Variants in RUNDC3B observed in about 807,000 individuals in gnomAD.
The protein encoded by RUNDC3B is RUN domain-containing protein 3B.
RUNDC3B carries 33 observed loss-of-function variants against 58.4 expected under a neutral mutation model. That is an observed-to-expected ratio of 0.56 (90% CI 0.43 to 0.75). RUNDC3B has a LOEUF of 0.75. Among genes scored for constraint, RUNDC3B ranks in the 30% least tolerant of loss-of-function variants. The pLI, the probability that RUNDC3B is intolerant of heterozygous loss-of-function variation, is 0.00. For missense variants in RUNDC3B, 501 were observed against 535.7 expected (o/e 0.94, Z 0.64); for synonymous variants, 193 against 195.2 (o/e 0.99, Z 0.10).
At chr7:87,640,178 T>TTA (rs948887238) in intron 1 of RUNDC3B, among the ~76,000 whole-genome samples, 16 of 148,676 alleles carry the variant, frequency 1.1e-4, no homozygotes, top group African/African-American at 1.7e-4. Context: ...TAAAACATAC[T>TTA]TATATATATA....
At position 87,730,569 on chromosome 7, in the gene RUNDC3B, A is replaced by G. The variant is rs150701757; in HGVS notation, c.459-9222A>G. On this transcript the variant is annotated intron_variant, in intron 4 of 10. Transcript: ENST00000394654. ...AGAATAGAGCACCAGGTAGATTCCC[A>G]TGCTTCCTTTCACGAGGTTCTGTCT... is the stretch of plus-strand genomic sequence containing the variant. Among the ~76,000 whole-genome samples, 3 of 152,086 alleles carry G rather than the reference A, an allele frequency of 2.0e-5. No individual in the cohort carries two copies. In the East Asian group the frequency reaches 5.8e-4, roughly 29 times the overall value.
intron 3 of RUNDC3B, among the ~76,000 whole-genome samples, chr7:87,706,422 CAG>C (rs1563149627): frequency 6.6e-6 from 1 of 152,070 alleles, no homozygotes; most frequent in Non-Finnish European, 1.5e-5. Flanking sequence ...GAATCTAAAA[CAG>C]AGTCGATCCC....
chr7:87,629,041 T>G, intron 1 of RUNDC3B, 96 bp downstream of exon 1: 4 of 1,111,496 alleles, frequency 3.6e-6, no homozygotes, highest in Non-Finnish European at 3.5e-6. Context: ...CATGATGGGC[T>G]GCCGCCCAGT....
chr7:87,661,516 C>G (rs569558679), intron 2 of RUNDC3B, among the ~76,000 whole-genome samples: 1 of 151,680 alleles, frequency 6.6e-6, no homozygotes, highest in Non-Finnish European at 1.5e-5. Flanking sequence ...TGAAAATGAG[C>G]GAAGTTTGTC....
chr7:87,637,035 G>A (rs931815213), intron 1 of RUNDC3B, among the ~76,000 whole-genome samples: 5 of 152,110 alleles, frequency 3.3e-5, no homozygotes, highest in South Asian at 4.1e-4. Flanking sequence ...ATCAGCTCTC[G>A]TGAGCTCTTA....
intron 1 of RUNDC3B, among the ~76,000 whole-genome samples, chr7:87,643,478 A>G (rs2130311780): frequency 6.6e-6 from 1 of 152,314 alleles, no homozygotes; most frequent in Admixed American, 6.5e-5. Flanking sequence ...AAATTATATT[A>G]GAAAAGAAAG....
chr7:87,699,048 G>T (rs1203851448), intron 2 of RUNDC3B, among the ~76,000 whole-genome samples: 1 of 152,100 alleles, frequency 6.6e-6, no homozygotes, highest in African/African-American at 2.4e-5. Context: ...CTAGACATGA[G>T]TATTTTTTAA....
chr7:87,696,400 A>G (rs1170900508), intron 2 of RUNDC3B, among the ~76,000 whole-genome samples: 1 of 152,176 alleles, frequency 6.6e-6, no homozygotes, highest in Non-Finnish European at 1.5e-5. Flanking sequence ...GACTTTTACT[A>G]GCAGTTAATC....
At chr7:87,727,235 A>G (rs953990625) in intron 4 of RUNDC3B, among the ~76,000 whole-genome samples, 2 of 152,112 alleles carry the variant, frequency 1.3e-5, no homozygotes, top group African/African-American at 4.8e-5. Context: ...TGTCATAAAT[A>G]TCTCTTATTA....
At chr7:87,676,063 C>A (rs1826321638) in intron 2 of RUNDC3B, among the ~76,000 whole-genome samples, 1 of 151,924 alleles carries the variant, frequency 6.6e-6, no homozygotes, top group Non-Finnish European at 1.5e-5. Flanking sequence ...CCCATCTCTA[C>A]AAAAAGTTAA....
At chr7:87,752,591 G>C (rs1433900811) in intron 6 of RUNDC3B, among the ~76,000 whole-genome samples, 1 of 152,004 alleles carries the variant, frequency 6.6e-6, no homozygotes, top group Non-Finnish European at 1.5e-5. Context: ...ACTTCTTCCT[G>C]GTTTAGTCTT....
intron 2 of RUNDC3B, among the ~76,000 whole-genome samples, chr7:87,656,065 C>T (rs1450788672): frequency 6.6e-6 from 1 of 151,956 alleles, no homozygotes; most frequent in Non-Finnish European, 1.5e-5. Flanking sequence ...GCCTCTAGAA[C>T]TATGAGAAAT....
In RUNDC3B at chr7:87,664,504, A is replaced by G. The variant is rs1404624329; in HGVS notation, c.238+13567A>G. On this transcript the variant is annotated intron_variant, in intron 2 of 10. Coordinates refer to ENST00000394654, the MANE Select transcript of RUNDC3B (RefSeq NM_001134405.2). Reference sequence around the variant, plus strand: ...AAAGCAGCCATTATAACCCTGCTCCATGATGTAAGGTGTAACTCTTGAAAT... The same window carrying G: ...AAAGCAGCCATTATAACCCTGCTCCGTGATGTAAGGTGTAACTCTTGAAAT... 3.9e-5 allele frequency among the ~76,000 whole-genome samples: 6 copies of G among 152,294 alleles called. No homozygotes were observed. In the East Asian group the frequency reaches 9.6e-4, roughly 24 times the overall value.
intron 2 of RUNDC3B, among the ~76,000 whole-genome samples, chr7:87,683,065 T>A (rs1005154681): frequency 2.0e-5 from 3 of 152,164 alleles, no homozygotes; most frequent in Non-Finnish European, 4.4e-5. Context: ...TTATTATTAT[T>A]TTTTTATGTA....
At chr7:87,816,013 A>T (rs976139403) in intron 9 of RUNDC3B, 128 bp from the exon 10 acceptor site, 1 of 663,680 alleles carries the variant, frequency 1.5e-6, no homozygotes, top group East Asian at 2.8e-5. Flanking sequence ...TATGAAGCAA[A>T]ATTTAGGAGA....
chr7:87,811,500 A>AT (rs1208797945), intron 9 of RUNDC3B, among the ~76,000 whole-genome samples: 2 of 151,582 alleles, frequency 1.3e-5, no homozygotes, highest in Non-Finnish European at 2.9e-5. Flanking sequence ...TACCCAGCTA[A>AT]TTTTTTTTGT....
chr7:87,632,606 C>A (rs1326803100), intron 1 of RUNDC3B, among the ~76,000 whole-genome samples: 1 of 152,112 alleles, frequency 6.6e-6, no homozygotes, highest in African/African-American at 2.4e-5. Flanking sequence ...CCTGTATATT[C>A]TCTATCGTTT....
Position 87,713,760 on chromosome 7 carries a change from A to C in RUNDC3B, c.458+3105A>C, listed in dbSNP as rs183568139. On this transcript the variant is annotated intron_variant, in intron 4 of 10. Coordinates refer to ENST00000394654, the MANE Select transcript of RUNDC3B (RefSeq NM_001134405.2). ...TTGTTCAAATTTTTAATTTCTCTTT[A>C]TCCACTGGCTAAAAAATAATTAGTA... 3.6e-3 allele frequency among the ~76,000 whole-genome samples: 544 copies of C among 152,164 alleles called. 3 individuals carry two copies. The highest frequency in any genetic ancestry group is 0.013 in the African/African-American group (520 of 41,558).
intron 4 of RUNDC3B, among the ~76,000 whole-genome samples, chr7:87,720,932 T>TAAAATATTAC (rs1830848460): frequency 6.7e-6 from 1 of 149,024 alleles, no homozygotes; most frequent in Non-Finnish European, 1.5e-5. Context: ...ATATTTTAAA[T>TAAAATATTAC]AGTTAAAATT....
Sources: allele counts gnomAD v4.1 joint callset (sites outside exome capture counted in the v4.1 genomes callset), GRCh38; gene constraint gnomAD v4.1.1; transcripts MANE v1.5; gene names NCBI Gene and HGNC (gene_info 2026-07-23, HGNC 2026-07-21).